The following RYR3 variants were observed in gnomAD, a reference collection of about 807,000 sequenced individuals.
The protein encoded by RYR3 is brain ryanodine receptor-calcium release channel.
RYR3 carries 207 observed loss-of-function variants against 584.3 expected under a neutral mutation model. That is an observed-to-expected ratio of 0.35 (90% CI 0.32 to 0.40). The LOEUF (loss-of-function observed/expected upper bound fraction) is 0.40. Among genes scored for constraint, RYR3 ranks in the 10% least tolerant of loss-of-function variants. The probability of loss-of-function intolerance (pLI) is 1.00; values close to 1 mark genes in which losing one functional copy is unlikely to be tolerated. For missense variants in RYR3, 5,616 were observed against 6,089.2 expected, an observed-to-expected ratio of 0.92 and a Z score of 2.59; for synonymous variants, 2,416 against 2,248.5, an observed-to-expected ratio of 1.07 and a Z score of -2.11.
chr15:33,394,913 A>G (rs1567156134), intron 1 of RYR3, among the ~76,000 whole-genome samples: 1 of 152,202 alleles, frequency 6.6e-6, no homozygotes, highest in Admixed American at 6.5e-5. Context: ...GACATACAGT[A>G]TAATGCCAGA....
At chr15:33,795,982 A>G (rs1231136909) in intron 67 of RYR3, among the ~76,000 whole-genome samples, 1 of 152,200 alleles carries the variant, frequency 6.6e-6, no homozygotes, top group South Asian at 2.1e-4. Flanking sequence ...GGTAAATCCC[A>G]TGCAGCAACT....
rs1190025126 is a variant in RYR3 at position 33,669,397 on chromosome 15, G to A, written c.5663G>A (p.Cys1888Tyr). 1 of 1,613,980 alleles carries A rather than the reference G, an allele frequency of 6.2e-7. No individual in the cohort carries two copies. Among genetic ancestry groups the A allele is most frequent in the Non-Finnish European group, 8.5e-7 (1 of 1,179,874 alleles). Reference sequence around the variant, plus strand: ...TTTCAACTGGGAGAGAACTGCCCCTGCCCAGAGGAGATTCGGGAGGAGCTG... The same window carrying A: ...TTTCAACTGGGAGAGAACTGCCCCTACCCAGAGGAGATTCGGGAGGAGCTG... ...LNFQLGENCP[C>Y]PEEIREELYD... Residue 1888 changes from cysteine to tyrosine, a missense_variant, in exon 37 of 104, where the codon TGC becomes TAC. Cys to Tyr is a radical substitution (Grantham distance 194). Transcript: ENST00000634891.
At chr15:33,860,355 GAGTTTCA>G (rs1416509498) in intron 100 of RYR3, among the ~76,000 whole-genome samples, 1 of 152,188 alleles carries the variant, frequency 6.6e-6, no homozygotes, top group African/African-American at 2.4e-5. Flanking sequence ...AGAAAGGAAA[GAGTTTCA>G]GGGAGGAGCA....
chr15:33,754,604 C>T (rs1029464900), intron 57 of RYR3, among the ~76,000 whole-genome samples: 4 of 152,194 alleles, frequency 2.6e-5, no homozygotes, highest in Admixed American at 2.0e-4. Flanking sequence ...AGTCTGCAAA[C>T]CCTGGCAGTT....
chr15:33,529,416 C>T (rs908961067), intron 3 of RYR3, among the ~76,000 whole-genome samples: 4 of 152,190 alleles, frequency 2.6e-5, no homozygotes, highest in Admixed American at 6.5e-5. Context: ...CTCCACACTA[C>T]CTGATTCCCT....
intron 1 of RYR3, among the ~76,000 whole-genome samples, chr15:33,363,666 T>TA (rs1975078062): frequency 6.6e-6 from 1 of 152,252 alleles, no homozygotes; most frequent in Non-Finnish European, 1.5e-5. Flanking sequence ...ATTTGCAGGT[T>TA]GCCAATCATG....
chr15:33,522,381 C>T (rs1199847056), intron 3 of RYR3, among the ~76,000 whole-genome samples: 2 of 152,182 alleles, frequency 1.3e-5, no homozygotes, highest in Non-Finnish European at 2.9e-5. Flanking sequence ...ACCTGTACTG[C>T]TCTGGCTGAG....
chr15:33,647,278 C>A lies in RYR3; in HGVS notation c.3942-146C>A, dbSNP rs770236678. On this transcript the variant is annotated intron_variant, in intron 29 of 103. Transcript: ENST00000634891. Reference sequence around the variant, plus strand: ...TAACAGCTTGCAAATGAATAAGTCCCAAGACTGGTTGCAATCACTTGTGTT... The same window carrying A: ...TAACAGCTTGCAAATGAATAAGTCCAAAGACTGGTTGCAATCACTTGTGTT... The A allele has an allele frequency of 9.8e-5, 63 of 643,136 alleles. No homozygotes were observed. The Admixed American group carries it at 1.1e-3, about 11-fold the overall frequency. 39.8% of individuals were successfully genotyped at this position (643,136 alleles called of 1,614,324 possible). A position where few individuals can be genotyped will look rare whatever the true frequency, so the allele number is the denominator to read the frequency against.
intron 1 of RYR3, among the ~76,000 whole-genome samples, chr15:33,418,885 G>A (rs758660613): frequency 2.0e-5 from 3 of 152,076 alleles, no homozygotes; most frequent in Non-Finnish European, 4.4e-5. Flanking sequence ...AAACCAGAAC[G>A]CAATGAGTTA....
chr15:33,760,439 G>A (rs1370819962), intron 60 of RYR3, among the ~76,000 whole-genome samples: 1 of 152,114 alleles, frequency 6.6e-6, no homozygotes, highest in Admixed American at 6.5e-5. Flanking sequence ...GCAAAAAAAA[G>A]CAGGGATTAC....
At chr15:33,718,914 C>G (rs1181097053) in intron 43 of RYR3, among the ~76,000 whole-genome samples, 1 of 152,186 alleles carries the variant, frequency 6.6e-6, no homozygotes, top group African/African-American at 2.4e-5. Context: ...AGCATTGTTG[C>G]AAGCCCTTGG....
intron 18 of RYR3, among the ~76,000 whole-genome samples, chr15:33,607,528 A>G (rs2059967707): frequency 6.6e-6 from 1 of 152,106 alleles, no homozygotes; most frequent in Non-Finnish European, 1.5e-5. Flanking sequence ...GCTCTTAGAA[A>G]AGCTCTCTGA....
At chr15:33,387,868 G>T (rs2041727078) in intron 1 of RYR3, among the ~76,000 whole-genome samples, 2 of 152,014 alleles carry the variant, frequency 1.3e-5, no homozygotes, top group African/African-American at 2.4e-5. Flanking sequence ...AAACAATGAT[G>T]GAGAATGTGA....
intron 94 of RYR3, chr15:33,850,748 TAAAA>T (rs1016764627): frequency 6.6e-6 from 1 of 152,122 alleles, no homozygotes; most frequent in Non-Finnish European, 1.5e-5. Context: ...CCAAAAAGGT[TAAAA>T]AAATAGAACA....
At chr15:33,531,405 TACTC>T (rs1178546987) in intron 4 of RYR3, among the ~76,000 whole-genome samples, 35 of 152,204 alleles carry the variant, frequency 2.3e-4, no homozygotes, top group Non-Finnish European at 4.4e-4. Context: ...AGAATATTAT[TACTC>T]AATCAACTAT....
At chr15:33,434,788 C>G (rs1159369818) in intron 1 of RYR3, among the ~76,000 whole-genome samples, 1 of 152,108 alleles carries the variant, frequency 6.6e-6, no homozygotes, top group Non-Finnish European at 1.5e-5. Context: ...TCTCCCAACA[C>G]TAATAAAAAT....
chr15:33,582,892 A>C (rs535166189), intron 14 of RYR3, among the ~76,000 whole-genome samples: 11 of 152,346 alleles, frequency 7.2e-5, no homozygotes, highest in Non-Finnish European at 1.3e-4. Context: ...ATTCCAATTC[A>C]AACCTATCAT....
At chr15:33,627,652 C>T (rs1000324740) in intron 20 of RYR3, among the ~76,000 whole-genome samples, 15 of 152,314 alleles carry the variant, frequency 9.8e-5, no homozygotes, top group African/African-American at 3.6e-4. Context: ...TAAAGAAGAG[C>T]ACTGTGTATG....
intron 42 of RYR3, among the ~76,000 whole-genome samples, chr15:33,705,882 C>T (rs1007659885): frequency 1.3e-5 from 2 of 152,238 alleles, no homozygotes; most frequent in African/African-American, 4.8e-5. Flanking sequence ...ATGGCCCGCC[C>T]CCAGTGGGCC....
Sources: gnomAD v4.1 joint callset for allele counts (sites outside exome capture counted in the v4.1 genomes callset) on GRCh38, gnomAD v4.1.1 for gene constraint, MANE v1.5 for transcripts, NCBI Gene and HGNC (gene_info 2026-07-23, HGNC 2026-07-21) for gene names.